GABRR1: variants seen among roughly 807,000 people sequenced by gnomAD.
The protein encoded by GABRR1 is gamma-aminobutyric acid receptor subunit rho-1.
A neutral mutation model predicts 55.5 loss-of-function variants in GABRR1; 59 were observed. The observed-to-expected ratio is 1.06, with a 90% CI of 0.86 to 1.32. The LOEUF (loss-of-function observed/expected upper bound fraction) is 1.32, where lower values mean the gene tolerates loss of function less well. GABRR1 is among the 40% of genes most tolerant of loss of function. The pLI, the probability that GABRR1 is intolerant of heterozygous loss-of-function variation, is 0.00. For missense variants in GABRR1, 602 were observed against 619.1 expected (o/e 0.97, Z 0.29); for synonymous variants, 213 against 226.0 (o/e 0.94, Z 0.51).
At chr6:89,228,786 TA>T (rs1336368796) in intron 1 of GABRR1, among the ~76,000 whole-genome samples, 1 of 151,918 alleles carries the variant, frequency 6.6e-6, no homozygotes, top group African/African-American at 2.4e-5. Flanking sequence ...TAGGTCCGCT[TA>T]GTGCAGAGCT....
At chr6:89,210,834 A>G (rs200611515) in intron 1 of GABRR1, among the ~76,000 whole-genome samples, 4 of 150,072 alleles carry the variant, frequency 2.7e-5, no homozygotes, top group African/African-American at 9.7e-5. Context: ...TAAAAAAGGC[A>G]ATGCTGAGTG....
At chr6:89,199,298 G>C (rs1199335243) in intron 4 of GABRR1, 64 bp downstream of exon 4, 1 of 1,428,108 alleles carries the variant, frequency 7.0e-7, no homozygotes, top group South Asian at 1.2e-5. Context: ...GGTGCGTGGA[G>C]CTCCTGGCCC....
upstream of GABRR1, among the ~76,000 whole-genome samples, chr6:89,220,581 G>T (rs1773099785): frequency 1.3e-5 from 2 of 152,164 alleles, no homozygotes; most frequent in African/African-American, 4.8e-5. Context: ...AATGCGGAGA[G>T]TATCTGTGCC....
In GABRR1 at chr6:89,178,728, G is replaced by C. The variant is rs767596578; in HGVS notation, c.*42C>G. 7.9e-6 allele frequency: 12 copies of C among 1,519,600 alleles called. No homozygotes were observed. The highest frequency in any genetic ancestry group is 1.1e-5 in the Non-Finnish European group (12 of 1,096,234). The allele number at this position is 1,519,600 out of a possible 1,614,324, so 94.1% of individuals were successfully genotyped here. A position where few individuals can be genotyped will look rare whatever the true frequency, so the allele number is the denominator to read the frequency against. The stretch of plus-strand genomic sequence containing the variant: ...TTTTCATTATACAGTTATTTCTGTA[G>C]TGCATGCCATGGAAATGTGAAATTT... On this transcript the variant is annotated 3_prime_UTR_variant, in exon 10 of 10. Transcript: ENST00000454853.
At chr6:89,203,305 C>T (rs1772537116) in intron 2 of GABRR1, 130 bp downstream of exon 2, 1 of 855,188 alleles carries the variant, frequency 1.2e-6, no homozygotes, top group Non-Finnish European at 2.0e-6. Flanking sequence ...GCTCCCCTTC[C>T]TCTGGTCCCC....
rs974708795 is a variant in GABRR1 at position 89,177,758 on chromosome 6, C to T, written c.*1012G>A. The T allele has an allele frequency of 3.9e-5, 6 of 152,124 alleles. No homozygotes were observed. 9.4% of individuals were successfully genotyped at this position (152,124 alleles called of 1,614,324 possible). A position where few individuals can be genotyped will look rare whatever the true frequency, so the allele number is the denominator to read the frequency against. On this transcript the variant is annotated 3_prime_UTR_variant, in exon 10 of 10. Coordinates refer to ENST00000454853, the MANE Select transcript of GABRR1 (RefSeq NM_002042.5). The stretch of plus-strand genomic sequence containing the variant: ...TGGTCCATAGAAAATGCTGGTATTT[C>T]GAGTATAAATGCAGATGTCCAGTGA...
chr6:89,211,956 C>G (rs558737179), intron 1 of GABRR1, among the ~76,000 whole-genome samples: 1 of 152,278 alleles, frequency 6.6e-6, no homozygotes, highest in South Asian at 2.1e-4. Flanking sequence ...CCATTGCCAC[C>G]TATGGGGACT....
upstream of GABRR1, chr6:89,221,477 C>T (rs530999171): frequency 5.9e-5 from 9 of 152,206 alleles, no homozygotes; most frequent in East Asian, 1.7e-3. Context: ...AACACAAATT[C>T]AAAAAACTAA....
rs1165414770 is a variant in GABRR1 at position 89,179,024 on chromosome 6, T to C, written c.1186A>G (p.Met396Val). The C allele has an allele frequency of 1.2e-6, 2 of 1,614,126 alleles. No homozygotes were observed. The highest frequency in any genetic ancestry group is 1.7e-6 in the Non-Finnish European group (2 of 1,180,008). ...TSGLPPPRTA[M>V]LDGNYSDGEV... is the part of the protein sequence containing the mutation. ...CCATCACTGTAGTTGCCGTCCAGCA[T>C]CGCAGTGCGGGGCGGAGGTAATCCG... Residue 396 changes from methionine to valine, a missense_variant, in exon 10 of 10, where the codon ATG (methionine) becomes GTG (valine). By Grantham distance (21) the Met-to-Val change is conservative. Around this residue, in one of 3 missense-constraint regions of GABRR1, gnomAD observed 139 missense variants for 141.1 expected, o/e 0.99. Transcript: ENST00000454853.
chr6:89,229,340 A>G (rs1389894880), intron 1 of GABRR1, among the ~76,000 whole-genome samples: 1 of 149,900 alleles, frequency 6.7e-6, no homozygotes, highest in African/African-American at 2.5e-5. Context: ...GTTAGTTGAC[A>G]CAGTTTCTTC....
Position 89,203,486 on chromosome 6 carries a change from C to A in GABRR1, c.123-1G>T, listed in dbSNP as rs1456719694. Reference sequence around the variant, plus strand: ...TACTTCTCGTCTTTGTCTTTGGGGCCTACCATGAACATTAAAAATAAAGAC... The same window carrying A: ...TACTTCTCGTCTTTGTCTTTGGGGCATACCATGAACATTAAAAATAAAGAC... On this transcript the variant is annotated splice_acceptor_variant, in intron 1 of 9. Coordinates refer to ENST00000454853, the MANE Select transcript of GABRR1 (RefSeq NM_002042.5). LOFTEE classifies it high-confidence loss of function. 6.2e-7 allele frequency: 1 copy of A among 1,608,908 alleles called. No individual in the cohort carries two copies. Among genetic ancestry groups the A allele is most frequent in the South Asian group, 1.1e-5 (1 of 90,974 alleles).
intron 9 of GABRR1, 67 bp downstream of exon 9, chr6:89,180,225 G>T: frequency 6.5e-7 from 1 of 1,537,428 alleles, no homozygotes. Flanking sequence ...GGTCTGCCCT[G>T]CCTGAGGTTC....
At chr6:89,222,063 G>T (rs1773122515), upstream of GABRR1, among the ~76,000 whole-genome samples, 1 of 152,184 alleles carries the variant, frequency 6.6e-6, no homozygotes, top group Non-Finnish European at 1.5e-5. Flanking sequence ...AAGTTGGGCT[G>T]CCAGTAGGCA....
At position 89,190,198 on chromosome 6, in the gene GABRR1, C is replaced by T; in HGVS notation, c.622G>A (p.Asp208Asn). 1.9e-6 allele frequency: 3 copies of T among 1,611,518 alleles called. No individual in the cohort carries two copies. In the South Asian group the frequency reaches 3.3e-5, roughly 18 times the overall value. Residue 208 changes from aspartate to asparagine, a missense_variant, in exon 6 of 10, where the codon GAC becomes AAC. Coordinates refer to ENST00000454853, the MANE Select transcript of GABRR1 (RefSeq NM_002042.5). ...ATTTCAAGAGAGCACGTTTGTGTGT[C>T]CAAGGGAAATCGGCTGAAGTCCATG... ...CNMDFSRFPL[D>N]TQTCSLEIES...
chr6:89,213,417 A>G (rs530788670), intron 1 of GABRR1, among the ~76,000 whole-genome samples: 2 of 152,354 alleles, frequency 1.3e-5, no homozygotes, highest in East Asian at 3.9e-4. Flanking sequence ...GGTTGACGTA[A>G]CATTCTGGAA....
At chr6:89,208,166 T>TA (rs954971280) in intron 1 of GABRR1, among the ~76,000 whole-genome samples, 125 of 152,338 alleles carry the variant, frequency 8.2e-4, no homozygotes, top group African/African-American at 2.9e-3. Context: ...ACAGACCCAC[T>TA]AGCACTGGGT....
chr6:89,181,111 G>GT (rs2127788910), intron 8 of GABRR1, among the ~76,000 whole-genome samples: 1 of 152,360 alleles, frequency 6.6e-6, no homozygotes, highest in Admixed American at 6.5e-5. Context: ...ATTTAGCACA[G>GT]TAACTGTTCA....
At chr6:89,190,049 A>T (rs1032417524) in intron 6 of GABRR1, 116 bp downstream of exon 6, 10 of 640,036 alleles carry the variant, frequency 1.6e-5, no homozygotes, top group Middle Eastern at 3.6e-4. Flanking sequence ...CCATCTCAAA[A>T]AAAAAAAAAA....
chr6:89,221,973 C>A (rs1342906173), upstream of GABRR1, among the ~76,000 whole-genome samples: 1 of 152,208 alleles, frequency 6.6e-6, no homozygotes, highest in Admixed American at 6.5e-5. Flanking sequence ...GTGGTCCAGA[C>A]TGAAGGGAAT....
Sources: gnomAD v4.1 joint callset for allele counts (sites outside exome capture counted in the v4.1 genomes callset) on GRCh38, gnomAD v4.1.1 for gene constraint, gnomAD v4.1.1 regional missense constraint, MANE v1.5 for transcripts, NCBI Gene and HGNC (gene_info 2026-07-23, HGNC 2026-07-21) for gene names.